Variants in RSPH14 observed in about 807,000 individuals in gnomAD.
RSPH14 encodes the protein radial spoke head 14 homolog, also known as rhabdoid tumor deletion region gene 1.
Under a neutral mutation model 26.7 loss-of-function variants are expected in RSPH14, and 20 were observed. That is an observed-to-expected ratio of 0.75 (90% CI 0.53 to 1.09). The LOEUF (loss-of-function observed/expected upper bound fraction) is 1.09, where lower values mean the gene tolerates loss of function less well. Ranked by LOEUF, RSPH14 falls within the 50% of genes least tolerant of loss-of-function variation. RSPH14 has a pLI of 0.00. For missense variants in RSPH14, 449 were observed against 457.2 expected (o/e 0.98, Z 0.16); for synonymous variants, 177 against 189.3 (o/e 0.93, Z 0.53).
chr22:23,108,308 C>G (rs2069543982), intron 4 of RSPH14, among the ~76,000 whole-genome samples: 1 of 152,266 alleles, frequency 6.6e-6, no homozygotes, highest in Non-Finnish European at 1.5e-5. Flanking sequence ...GCAATGAGAA[C>G]AGGGGCCAAT....
At chr22:23,145,787 G>T (rs970052090), upstream of RSPH14, among the ~76,000 whole-genome samples, 1 of 152,266 alleles carries the variant, frequency 6.6e-6, no homozygotes, top group Non-Finnish European at 1.5e-5. Context: ...GACTCCGCCA[G>T]GACCACCCCA....
At chr22:23,101,044 TTATAC>T (rs1484203862) in intron 4 of RSPH14, among the ~76,000 whole-genome samples, 1 of 152,192 alleles carries the variant, frequency 6.6e-6, no homozygotes, top group African/African-American at 2.4e-5. Context: ...TAAGACAGGC[TTATAC>T]CTATTGATGA....
At chr22:23,087,586 G>A (rs957599177) in intron 4 of RSPH14, among the ~76,000 whole-genome samples, 2 of 152,196 alleles carry the variant, frequency 1.3e-5, no homozygotes, top group African/African-American at 2.4e-5. Context: ...GCAGGAGACC[G>A]GAGTGTTATT....
At chr22:23,088,359 C>CTGTG (rs2068872874) in intron 4 of RSPH14, among the ~76,000 whole-genome samples, 1 of 152,150 alleles carries the variant, frequency 6.6e-6, no homozygotes, top group Non-Finnish European at 1.5e-5. Flanking sequence ...GAGGAAGGGC[C>CTGTG]TGTGGTCACA....
upstream of RSPH14, among the ~76,000 whole-genome samples, chr22:23,144,689 TAAA>T (rs56369606): frequency 2.2e-5 from 3 of 136,854 alleles, no homozygotes; most frequent in African/African-American, 2.7e-5. Flanking sequence ...TCCATCTCTT[TAAA>T]AAAAAAAAAA....
At chr22:23,118,579 A>G (rs2069919824) in intron 4 of RSPH14, among the ~76,000 whole-genome samples, 1 of 152,172 alleles carries the variant, frequency 6.6e-6, no homozygotes, top group South Asian at 2.1e-4. Context: ...CAGGCTCTCA[A>G]CTGCACCCTG....
Position 23,064,115 on chromosome 22 carries a change from C to T in RSPH14, c.440G>A (p.Ser147Asn). 6.2e-7 allele frequency: 1 copy of T among 1,614,190 alleles called. No homozygotes were observed. Among genetic ancestry groups the T allele is most frequent in the Non-Finnish European group, 8.5e-7 (1 of 1,180,024 alleles). Reference protein sequence around the residue: ...QVPRGAQEIISKGLISSLVWK... With the variant: ...QVPRGAQEIINKGLISSLVWK... ...TACCAGTGAGGAAATCAGACCTTTG[C>T]TGATGATCTCTTGGGCCCCTACAAG... is the stretch of plus-strand genomic sequence containing the variant. The change falls in exon 5 of 7, where the codon AGC becomes AAC. Residue 147 changes from serine (S) to asparagine (N), a missense_variant. Transcript: ENST00000216036.
rs116704791 is a variant in RSPH14 at position 23,098,187 on chromosome 22, G to A, written c.422-34054C>T. On this transcript the variant is annotated intron_variant, in intron 4 of 6. Transcript: ENST00000216036. ...TCTCTCCTCTCCTTCTGCTCTAGCC[G>A]TGGTCAGCTTGTTTTGCTCCAGCAG... Among the ~76,000 whole-genome samples the A allele has an allele frequency of 3.0e-3, 451 of 152,346 alleles. 2 individuals are homozygous for A. Among genetic ancestry groups the A allele is most frequent in the African/African-American group, 1.0e-2 (414 of 41,580 alleles).
chr22:23,167,745 G>A, the RSPH14 span, among the ~76,000 whole-genome samples: 20 of 151,580 alleles, frequency 1.3e-4, no homozygotes, highest in Middle Eastern at 3.4e-3. Context: ...CCAGGGTCTC[G>A]CTGTGTTGCC....
In RSPH14 at chr22:23,140,557, C is replaced by A. The variant is rs4822362; in HGVS notation, c.-52-85G>T. The A allele has an allele frequency of 0.53, 746,640 of 1,396,952 alleles. 201,710 individuals are homozygous for A. Among genetic ancestry groups the A allele is most frequent in the Middle Eastern group, 0.57 (2,299 of 4,046 alleles). The allele number at this position is 1,396,952 out of a possible 1,614,324, so 86.5% of individuals were successfully genotyped here. On this transcript the variant is annotated intron_variant, in intron 1 of 6. Transcript: ENST00000216036. ...TGATCCTCCAAACTGTGAGGGCAGG[C>A]AAATGGGTATTTTTACTTTCATTTT...
At chr22:23,135,317 CA>C (rs55649510) in intron 3 of RSPH14, among the ~76,000 whole-genome samples, 19,506 of 86,070 alleles carry the variant, frequency 0.23, 1,338 homozygotes, top group Middle Eastern at 0.32. Context: ...ACTAAAAATA[CA>C]AAAAAAAAAA....
At chr22:23,144,678 C>T (rs2070680964), upstream of RSPH14, among the ~76,000 whole-genome samples, 1 of 148,692 alleles carries the variant, frequency 6.7e-6, no homozygotes, top group Non-Finnish European at 1.5e-5. Context: ...CATAGCAAGA[C>T]TCCATCTCTT....
chr22:23,104,905 G>A (rs957853558), intron 4 of RSPH14, among the ~76,000 whole-genome samples: 1 of 152,180 alleles, frequency 6.6e-6, no homozygotes, highest in African/African-American at 2.4e-5. Context: ...GGGCATCTCA[G>A]GGGGGACACC....
At chr22:23,173,708 T>C in the RSPH14 span, among the ~76,000 whole-genome samples, 1 of 150,790 alleles carries the variant, frequency 6.6e-6, no homozygotes, top group Admixed American at 6.6e-5. Context: ...CGTTATTATT[T>C]ACTATTTATT....
chr22:23,177,258 C>T, the RSPH14 span, among the ~76,000 whole-genome samples: 2 of 152,132 alleles, frequency 1.3e-5, no homozygotes, highest in Non-Finnish European at 2.9e-5. Context: ...AGCCTTTCCC[C>T]GAACTGTGCC....
chr22:23,072,532 T>C (rs2068406033), intron 4 of RSPH14, among the ~76,000 whole-genome samples: 1 of 152,234 alleles, frequency 6.6e-6, no homozygotes, highest in Non-Finnish European at 1.5e-5. Flanking sequence ...GGGATGTTTT[T>C]GCTCTCCCTC....
intron 4 of RSPH14, among the ~76,000 whole-genome samples, chr22:23,067,500 A>G (rs538323312): frequency 6.4e-4 from 97 of 152,338 alleles, no homozygotes; most frequent in Non-Finnish European, 1.2e-3. Context: ...CCACCTGTCC[A>G]GCTTTAGCCT....
intron 4 of RSPH14, among the ~76,000 whole-genome samples, chr22:23,127,322 G>C (rs1185344582): frequency 2.6e-5 from 4 of 152,266 alleles, no homozygotes; most frequent in African/African-American, 9.6e-5. Flanking sequence ...CAAGAGGCCA[G>C]AGTGTCCCTA....
intron 4 of RSPH14, among the ~76,000 whole-genome samples, chr22:23,092,768 A>G (rs2069019585): frequency 6.6e-6 from 1 of 152,198 alleles, no homozygotes; most frequent in African/African-American, 2.4e-5. Flanking sequence ...ATCCCAAAGC[A>G]CAAATCACAC....
Sources: allele counts gnomAD v4.1 joint callset (sites outside exome capture counted in the v4.1 genomes callset), GRCh38; gene constraint gnomAD v4.1.1; transcripts MANE v1.5; gene names NCBI Gene and HGNC (gene_info 2026-07-23, HGNC 2026-07-21).